ACYP1: variants seen among roughly 807,000 people sequenced by gnomAD.
ACYP1 encodes the protein acylphosphatase-1.
A neutral mutation model predicts 10.4 loss-of-function variants in ACYP1; 8 were observed. That is an observed-to-expected ratio of 0.77 (90% confidence interval 0.45 to 1.38). The LOEUF (loss-of-function observed/expected upper bound fraction) is 1.38, where lower values mean the gene tolerates loss of function less well. Ranked by LOEUF, ACYP1 falls within the 40% of genes most tolerant of loss-of-function variation. The pLI is 0.00. For synonymous variants in ACYP1, 38 were observed against 40.8 expected, an observed-to-expected ratio of 0.93 and a Z score of 0.26; for missense variants, 93 against 117.3, an observed-to-expected ratio of 0.79 and a Z score of 0.96.
At chr14:75,058,191 G>A (rs2139650407) in intron 2 of ACYP1, among the ~76,000 whole-genome samples, 1 of 150,912 alleles carries the variant, frequency 6.6e-6, no homozygotes, top group Middle Eastern at 3.4e-3. Context: ...GCTCACACCT[G>A]TAATCCCAGC....
chr14:75,068,339 C>T (rs536540426), upstream of ACYP1, among the ~76,000 whole-genome samples: 1 of 152,062 alleles, frequency 6.6e-6, no homozygotes, highest in Non-Finnish European at 1.5e-5. Flanking sequence ...CAAAAACCAA[C>T]AAAACAGAAA....
intron 2 of ACYP1, chr14:75,062,875 T>A (rs757472454): frequency 6.6e-6 from 1 of 152,576 alleles, no homozygotes; most frequent in Non-Finnish European, 1.5e-5. Context: ...CCTTTATTGC[T>A]CTAGGAAGAA....
upstream of ACYP1, among the ~76,000 whole-genome samples, chr14:75,068,548 AAGAG>A (rs964252123): frequency 4.6e-5 from 7 of 151,758 alleles, no homozygotes; most frequent in Non-Finnish European, 8.8e-5. Flanking sequence ...GAGGAGGAAG[AAGAG>A]AGAGAGACAG....
At chr14:75,061,076 TCAACAACAA>T (rs75596450) in intron 2 of ACYP1, among the ~76,000 whole-genome samples, 1 of 150,254 alleles carries the variant, frequency 6.7e-6, no homozygotes, top group Non-Finnish European at 1.5e-5. Flanking sequence ...AGACTCTGTC[TCAACAACAA>T]CAACAACAAC....
intron 2 of ACYP1, chr14:75,061,582 G>T: frequency 1.6e-6 from 1 of 613,168 alleles, no homozygotes; most frequent in Non-Finnish European, 2.6e-6. Flanking sequence ...GGCAGGTAGA[G>T]AAAGATGGGC....
chr14:75,066,381 G>C (rs175503), upstream of ACYP1, among the ~76,000 whole-genome samples: 1 of 89,304 alleles, frequency 1.1e-5, no homozygotes, highest in African/African-American at 4.5e-5. Context: ...TTTTAATAAA[G>C]CTGGGGGGGG....
At chr14:75,069,182 A>C in intron 1 of ACYP1, 1 of 1,516,138 alleles carries the variant, frequency 6.6e-7, no homozygotes, top group Non-Finnish European at 8.8e-7. Context: ...GGCGAGGACA[A>C]GCAAGGAGCG....
chr14:75,059,861 C>A (rs746930535), intron 2 of ACYP1: 3 of 165,580 alleles, frequency 1.8e-5, no homozygotes, highest in Non-Finnish European at 3.9e-5. Flanking sequence ...AAGCCAGCCA[C>A]AAAAGGACAA....
intron 2 of ACYP1, chr14:75,061,744 T>G: frequency 1.3e-6 from 2 of 1,588,396 alleles, no homozygotes; most frequent in Non-Finnish European, 1.7e-6. Context: ...TCAGCAATTC[T>G]GTTTTCAACA....
intron 2 of ACYP1, chr14:75,061,743 C>T (rs1377377372): frequency 6.3e-7 from 1 of 1,588,008 alleles, no homozygotes; most frequent in Admixed American, 1.7e-5. Context: ...TTCAGCAATT[C>T]TGTTTTCAAC....
chr14:75,069,187 G>A (rs1339717409), intron 1 of ACYP1: 3 of 1,516,772 alleles, frequency 2.0e-6, no homozygotes, highest in Non-Finnish European at 2.6e-6. Flanking sequence ...GGACAAGCAA[G>A]GAGCGCGCGC....
intron 2 of ACYP1, among the ~76,000 whole-genome samples, chr14:75,061,014 C>T (rs958791496): frequency 1.3e-5 from 2 of 152,142 alleles, no homozygotes; most frequent in Non-Finnish European, 2.9e-5. Context: ...TTGCAGTGAG[C>T]CGAGATCACG....
rs553744419 is a variant in ACYP1, at chr14:75,057,792, C to T, written c.85-4133G>A. 3.0e-4 allele frequency among the ~76,000 whole-genome samples: 45 copies of T among 149,798 alleles called. 4 individuals carry two copies. The highest frequency in any genetic ancestry group is 1.1e-3 in the African/African-American group (43 of 40,128). On this transcript the variant is annotated intron_variant, in intron 2 of 2. Coordinates refer to ENST00000238618, the MANE Select transcript of ACYP1 (RefSeq NM_001107.5). ...GATCAGCCTGGCCAAGACGGTGAAA[C>T]GCCGTCTATTAAAAATACAAAAATT...
upstream of ACYP1, among the ~76,000 whole-genome samples, chr14:75,064,742 A>T (rs1290918250): frequency 6.6e-6 from 1 of 152,120 alleles, no homozygotes; most frequent in African/African-American, 2.4e-5. Context: ...TCAAATAAAT[A>T]AATTAATAAA....
At chr14:75,063,890 T>G in intron 1 of ACYP1, 64 bp downstream of exon 1, 1 of 1,007,094 alleles carries the variant, frequency 9.9e-7, no homozygotes, top group African/African-American at 1.7e-5. Context: ...CAGAATCCCC[T>G]GCTACTAACA....
At chr14:75,060,384 G>C in intron 2 of ACYP1, 1 of 537,612 alleles carries the variant, frequency 1.9e-6, no homozygotes, top group East Asian at 3.1e-5. Flanking sequence ...CACATTGCCA[G>C]TGAGAACATA....
chr14:75,061,631 T>C, intron 2 of ACYP1: 1 of 1,368,204 alleles, frequency 7.3e-7, no homozygotes, highest in Admixed American at 1.9e-5. Flanking sequence ...CTCAACAACT[T>C]TGACTAATCT....
chr14:75,053,677 A>G lies in ACYP1; in HGVS notation c.85-18T>C. ...CCCTCAGCCTAAGGGGGGTAAAAAGAGAGAGAGATCCAGTGAGATTGAAGA... is the reference window on the plus strand; with the variant it reads ...CCCTCAGCCTAAGGGGGGTAAAAAGGGAGAGAGATCCAGTGAGATTGAAGA... On this transcript the variant is annotated intron_variant, in intron 2 of 2. Coordinates refer to ENST00000238618, the MANE Select transcript of ACYP1 (RefSeq NM_001107.5). 6.2e-7 allele frequency: 1 copy of G among 1,607,608 alleles called. No homozygotes were observed. The highest frequency in any genetic ancestry group is 8.5e-7 in the Non-Finnish European group (1 of 1,174,230).
upstream of ACYP1, among the ~76,000 whole-genome samples, chr14:75,066,098 G>T (rs1893138333): frequency 6.6e-6 from 1 of 152,196 alleles, no homozygotes; most frequent in South Asian, 2.1e-4. Flanking sequence ...CACACAGTCA[G>T]GGATGAGACT....
Sources: gnomAD v4.1 joint callset for allele counts (sites outside exome capture counted in the v4.1 genomes callset) on GRCh38, gnomAD v4.1.1 for gene constraint, MANE v1.5 for transcripts, NCBI Gene and HGNC (gene_info 2026-07-23, HGNC 2026-07-21) for gene names.